The following MLLT6 variants were observed in gnomAD, a reference collection of about 807,000 sequenced individuals.
The protein encoded by MLLT6 is protein AF-17.
In MLLT6, 22 loss-of-function variants were observed where a neutral mutation model predicts 103.0. That is an observed-to-expected ratio of 0.21 (90% CI 0.15 to 0.31). The LOEUF (loss-of-function observed/expected upper bound fraction) is 0.31. Among genes scored for constraint, MLLT6 ranks in the 10% least tolerant of loss-of-function variants. The pLI is 1.00. For synonymous variants in MLLT6, 606 were observed against 623.5 expected (o/e 0.97, Z 0.42); for missense variants, 1,199 against 1,441.7 (o/e 0.83, Z 2.73).
rs543115592 is a variant in MLLT6, at chr17:38,711,968, C to G, written c.674C>G (p.Thr225Arg). ...AGAAGCCGGTCAGCCTCACCATCCACGCAGCAGGAGAAGCACCCCACCCAC... is the reference window on the plus strand; with the variant it reads ...AGAAGCCGGTCAGCCTCACCATCCAGGCAGCAGGAGAAGCACCCCACCCAC... Reference protein sequence around the residue: ...GRRSRSASPSTQQEKHPTHHE... With the variant: ...GRRSRSASPSRQQEKHPTHHE... The change falls in exon 7 of 20, where the codon ACG becomes AGG. Residue 225 changes from threonine (T) to arginine (R), a missense_variant. By Grantham distance (71) the Thr-to-Arg change is moderately conservative. Coordinates refer to ENST00000621332, the MANE Select transcript of MLLT6 (RefSeq NM_005937.4). 1.4e-5 allele frequency: 23 copies of G among 1,608,142 alleles called. No individual in the cohort carries two copies. In the East Asian group the frequency reaches 4.7e-4, roughly 33 times the overall value.
intron 12 of MLLT6, chr17:38,719,163 C>A (rs952102299): frequency 1.1e-5 from 4 of 356,802 alleles, no homozygotes; most frequent in East Asian, 4.8e-5. Flanking sequence ...GGTTAGGAGC[C>A]CAAGGTCACA....
intron 7 of MLLT6, 148 bp from the exon 8 acceptor site, chr17:38,712,543 C>A (rs566066229): frequency 1.6e-5 from 10 of 624,218 alleles, no homozygotes; most frequent in African/African-American, 1.5e-4. Flanking sequence ...CGCTCCTGCC[C>A]AGCCCATTAT....
chr17:38,709,582 C>A lies in MLLT6; in HGVS notation c.552+7C>A. The A allele has an allele frequency of 6.2e-7, 1 of 1,609,068 alleles. No individual in the cohort carries two copies. Among genetic ancestry groups the A allele is most frequent in the Non-Finnish European group, 8.5e-7 (1 of 1,175,536 alleles). ...ATACCACTTCAGCAAGATGGTGAGT[C>A]CTGGCGACCAGCGCATGAGCGGGTC... On this transcript the variant is annotated splice_region_variant and intron_variant, in intron 6 of 19. Coordinates refer to ENST00000621332, the MANE Select transcript of MLLT6 (RefSeq NM_005937.4). The surrounding 1 kb of genome is among the most constrained non-coding windows in gnomAD (Gnocchi z 4.3).
In MLLT6 at chr17:38,724,555, C is replaced by A; in HGVS notation, c.2884-65C>A. On this transcript the variant is annotated intron_variant, in intron 18 of 19. Transcript: ENST00000621332. This position sits in a 1 kb window ranked among gnomAD's most constrained non-coding sequence, Gnocchi z 5.4. ...TGGGGTGGGGCCTGGCCAGGCAGGGCAGGCAGGCAGCAGGGAAGAGACCCC... is the reference window on the plus strand; with the variant it reads ...TGGGGTGGGGCCTGGCCAGGCAGGGAAGGCAGGCAGCAGGGAAGAGACCCC... 1.5e-6 allele frequency: 2 copies of A among 1,292,478 alleles called. No homozygotes were observed. The highest frequency in any genetic ancestry group is 2.1e-6 in the Non-Finnish European group (2 of 937,824). The allele number at this position is 1,292,478 out of a possible 1,614,324, so 80.1% of individuals were successfully genotyped here. A position where few individuals can be genotyped will look rare whatever the true frequency, so the allele number is the denominator to read the frequency against.
At position 38,724,371 on chromosome 17, in the gene MLLT6, T is replaced by C; in HGVS notation, c.2884-249T>C. The stretch of plus-strand genomic sequence containing the variant: ...GTGATTCTGTGGGCAGGGCCAGAGA[T>C]ATTAAATACCCTGCTGTTGGCCGGC... On this transcript the variant is annotated intron_variant, in intron 18 of 19. Transcript: ENST00000621332. This position sits in a 1 kb window ranked among gnomAD's most constrained non-coding sequence, Gnocchi z 5.4. 1 of 467,634 alleles carries C rather than the reference T, an allele frequency of 2.1e-6. No individual in the cohort carries two copies. Among genetic ancestry groups the C allele is most frequent in the Non-Finnish European group, 3.8e-6 (1 of 265,734 alleles). The allele number at this position is 467,634 out of a possible 1,614,324, so 29.0% of individuals were successfully genotyped here. A position where few individuals can be genotyped will look rare whatever the true frequency, so the allele number is the denominator to read the frequency against.
intron 13 of MLLT6, 40 bp from the exon 14 acceptor site, chr17:38,719,710 G>A: frequency 8.8e-6 from 14 of 1,593,770 alleles, no homozygotes; most frequent in Non-Finnish European, 1.2e-5. Flanking sequence ...GGAGCCTGGA[G>A]TGGTCGGGTC....
In MLLT6 at chr17:38,724,514, C is replaced by T. The variant is rs1905919866; in HGVS notation, c.2884-106C>T. 3.7e-6 allele frequency: 3 copies of T among 817,166 alleles called. No individual in the cohort carries two copies. Among genetic ancestry groups the T allele is most frequent in the Non-Finnish European group, 3.8e-6 (2 of 520,588 alleles). The allele number at this position is 817,166 out of a possible 1,614,324, so 50.6% of individuals were successfully genotyped here. A position where few individuals can be genotyped will look rare whatever the true frequency, so the allele number is the denominator to read the frequency against. ...TGACTGTCTCACAGGCCTCTTGCCT[C>T]CTGATTCCAGTGTGATGGGGTGGGG... On this transcript the variant is annotated intron_variant, in intron 18 of 19. Transcript: ENST00000621332. The surrounding 1 kb of genome is among the most constrained non-coding windows in gnomAD (Gnocchi z 5.4).
rs181396780 is a variant in MLLT6, at chr17:38,729,502, C to T, written c.*3904C>T. On this transcript the variant is annotated 3_prime_UTR_variant, in exon 20 of 20. Transcript: ENST00000621332. ...GGTGGTGGGACTGGAGACCTCACCC[C>T]TGCTCCCGTCCCGCCCCCTTTCTAT... is the stretch of plus-strand genomic sequence containing the variant. 7 of 233,612 alleles carry T rather than the reference C, an allele frequency of 3.0e-5. No homozygotes were observed. The Admixed American group carries it at 3.4e-4, about 11-fold the overall frequency. 14.5% of individuals were successfully genotyped at this position (233,612 alleles called of 1,614,324 possible). A position where few individuals can be genotyped will look rare whatever the true frequency, so the allele number is the denominator to read the frequency against.
Position 38,711,903 on chromosome 17 carries a change from C to T in MLLT6, c.609C>T (p.Gly203=), listed in dbSNP as rs774579100. The change falls in exon 7 of 20, where the codon GGC becomes GGT. Residue 203 remains glycine (G), a synonymous_variant. Transcript: ENST00000621332. ...GGGGGAGGGG[G]SMGGGGSGFI... is the part of the protein sequence containing the mutation. Reference sequence around the variant, plus strand: ...GAGGAGGCGCTGGAGGAGGAGGTGGCAGCATGGGGGGAGGTGGCAGTGGTT... The same window carrying T: ...GAGGAGGCGCTGGAGGAGGAGGTGGTAGCATGGGGGGAGGTGGCAGTGGTT... The T allele has an allele frequency of 1.9e-6, 3 of 1,605,494 alleles. No individual in the cohort carries two copies. In the African/African-American group the frequency reaches 4.0e-5, roughly 22 times the overall value.
intron 6 of MLLT6, among the ~76,000 whole-genome samples, chr17:38,710,811 G>A (rs1905117718): frequency 6.6e-6 from 1 of 152,178 alleles, no homozygotes. Context: ...AAGTGTCCAG[G>A]TTTGGATCAT....
intron 10 of MLLT6, 137 bp downstream of exon 10, chr17:38,717,118 A>G: frequency 3.8e-6 from 5 of 1,300,780 alleles, no homozygotes; most frequent in Non-Finnish European, 5.2e-6. Flanking sequence ...AGTCACCTTC[A>G]GGACATCCCC....
intron 1 of MLLT6, 120 bp from the exon 2 acceptor site, chr17:38,706,830 G>T: frequency 1.4e-6 from 1 of 736,550 alleles, no homozygotes; most frequent in Non-Finnish European, 2.3e-6. Context: ...GTAGACTGGG[G>T]AGCAGCCCCC....
chr17:38,715,903 T>C (rs1012631178), intron 9 of MLLT6, 75 bp downstream of exon 9: 13 of 1,310,486 alleles, frequency 9.9e-6, no homozygotes, highest in Non-Finnish European at 1.4e-5. Context: ...CAAGGGACTT[T>C]GCATATTGGT....
chr17:38,709,404 AG>A lies in MLLT6; in HGVS notation c.459-73del. The stretch of plus-strand genomic sequence containing the variant: ...TGGATGGTCTTGGCTTCGCCTCAGC[AG>A]GGGGCCAGGAGGGTGAGAGGAAGGT... On this transcript the variant is annotated intron_variant, in intron 5 of 19. Coordinates refer to ENST00000621332, the MANE Select transcript of MLLT6 (RefSeq NM_005937.4). This position sits in a 1 kb window ranked among gnomAD's most constrained non-coding sequence, Gnocchi z 4.3. The A allele has an allele frequency of 6.9e-7, 1 of 1,447,920 alleles. No individual in the cohort carries two copies. Among genetic ancestry groups the A allele is most frequent in the Non-Finnish European group, 9.7e-7 (1 of 1,028,592 alleles). The allele number at this position is 1,447,920 out of a possible 1,614,324, so 89.7% of individuals were successfully genotyped here. A position where few individuals can be genotyped will look rare whatever the true frequency, so the allele number is the denominator to read the frequency against.
chr17:38,710,912 G>A (rs1017294308), intron 6 of MLLT6, among the ~76,000 whole-genome samples: 1 of 152,312 alleles, frequency 6.6e-6, no homozygotes, highest in East Asian at 1.9e-4. Flanking sequence ...ACCATGTGGA[G>A]ACATTTAGAT....
chr17:38,710,910 G>C (rs1344678487), intron 6 of MLLT6, among the ~76,000 whole-genome samples: 17 of 152,176 alleles, frequency 1.1e-4, no homozygotes, highest in Non-Finnish European at 2.2e-4. Context: ...ACACCATGTG[G>C]AGACATTTAG....
rs1905432022 is a variant in MLLT6 at position 38,717,772 on chromosome 17, C to A, written c.1834-73C>A. 5.6e-6 allele frequency: 8 copies of A among 1,431,090 alleles called. No individual in the cohort carries two copies. In the South Asian group the frequency reaches 9.3e-5, roughly 17 times the overall value. 88.6% of individuals were successfully genotyped at this position (1,431,090 alleles called of 1,614,324 possible). A position where few individuals can be genotyped will look rare whatever the true frequency, so the allele number is the denominator to read the frequency against. ...TCTGCTCCCCAGCACACCCGGCCCC[C>A]TGCACCCCGGTACACACAGTTGTGC... On this transcript the variant is annotated intron_variant, in intron 11 of 19. Coordinates refer to ENST00000621332, the MANE Select transcript of MLLT6 (RefSeq NM_005937.4).
chr17:38,713,025 A>T (rs373383593), intron 8 of MLLT6: 5 of 776,948 alleles, frequency 6.4e-6, no homozygotes, highest in Non-Finnish European at 1.2e-5. Context: ...AGATACTCCC[A>T]TCTGCCTCTG....
At chr17:38,712,817 GGT>G in intron 8 of MLLT6, 28 bp downstream of exon 8, 1 of 1,553,404 alleles carries the variant, frequency 6.4e-7, no homozygotes, top group Non-Finnish European at 8.9e-7. Flanking sequence ...CAGGAGGGAT[GGT>G]GTGTGGGTCT....
Sources: allele counts gnomAD v4.1 joint callset (sites outside exome capture counted in the v4.1 genomes callset), GRCh38; gene constraint gnomAD v4.1.1; non-coding constraint Gnocchi (gnomAD v3.1); transcripts MANE v1.5; gene names NCBI Gene and HGNC (gene_info 2026-07-23, HGNC 2026-07-21).